SETD2: variants seen among roughly 807,000 people sequenced by gnomAD.
SETD2 encodes the protein histone-lysine N-methyltransferase SETD2.
In SETD2, 31 loss-of-function variants were observed where a neutral mutation model predicts 242.1. The observed-to-expected ratio is 0.13, with a 90% CI of 0.10 to 0.17. The LOEUF is 0.17. Ranked by LOEUF, SETD2 falls within the 10% of genes least tolerant of loss-of-function variation. SETD2 has a pLI of 1.00. For synonymous variants in SETD2, 1,006 were observed against 1,066.5 expected (o/e 0.94, Z 1.11); for missense variants, 2,481 against 3,046.3 (o/e 0.81, Z 4.37).
At chr3:47,145,249 G>A (rs1270378296) in intron 1 of SETD2, among the ~76,000 whole-genome samples, 1 of 151,706 alleles carries the variant, frequency 6.6e-6, no homozygotes. Context: ...AGATATCTTG[G>A]GGCCAGATAT....
At chr3:47,027,022 T>C (rs1387305541) in intron 18 of SETD2, among the ~76,000 whole-genome samples, 1 of 151,878 alleles carries the variant, frequency 6.6e-6, no homozygotes, top group Non-Finnish European at 1.5e-5. Flanking sequence ...TTCATTTACA[T>C]AAAATGCCCA....
At position 47,120,177 on chromosome 3, in the gene SETD2, C is replaced by A; in HGVS notation, c.4454+5G>T. On this transcript the variant is annotated splice_donor_5th_base_variant and intron_variant, in intron 3 of 20. Coordinates refer to ENST00000409792, the MANE Select transcript of SETD2 (RefSeq NM_014159.7). ...ATTTGTCAAACAAGTATTAATTAGA[C>A]TTACCTTTCTGTTAAATAAACATTT... 6.6e-7 allele frequency: 1 copy of A among 1,518,938 alleles called. No homozygotes were observed. The highest frequency in any genetic ancestry group is 8.8e-7 in the Non-Finnish European group (1 of 1,130,968). 94.1% of individuals were successfully genotyped at this position (1,518,938 alleles called of 1,614,324 possible). A position where few individuals can be genotyped will look rare whatever the true frequency, so the allele number is the denominator to read the frequency against.
intron 18 of SETD2, among the ~76,000 whole-genome samples, chr3:47,030,209 C>T (rs866259167): frequency 6.6e-6 from 1 of 151,582 alleles, no homozygotes; most frequent in African/African-American, 2.4e-5. Flanking sequence ...TATTTATCAG[C>T]ACTGTTAAAA....
At chr3:47,105,666 C>T (rs930486668) in intron 6 of SETD2, 17 of 450,310 alleles carry the variant, frequency 3.8e-5, no homozygotes, top group Non-Finnish European at 7.5e-5. Context: ...TGGCTCATGC[C>T]TGTAATCTCA....
intron 11 of SETD2, among the ~76,000 whole-genome samples, chr3:47,085,482 T>A (rs2041514005): frequency 6.6e-6 from 1 of 152,152 alleles, no homozygotes; most frequent in African/African-American, 2.4e-5. Context: ...CATTTTGAAA[T>A]CCAAGAATTT....
At chr3:47,132,242 T>C (rs2043495455) in intron 1 of SETD2, among the ~76,000 whole-genome samples, 1 of 150,630 alleles carries the variant, frequency 6.6e-6, no homozygotes, top group African/African-American at 2.4e-5. Context: ...AAGTGATTTT[T>C]CTGCTTCAGC....
In SETD2 at chr3:47,122,668, A is replaced by C. The variant is rs772543414; in HGVS notation, c.1968T>G (p.Ser656=). ...HDSIKELDSL[S]KVKNDQLRSF... is the part of the protein sequence containing the mutation. ...TTCTTAATTGATCATTCTTCACTTT[A>C]GATAAAGAGTCTAATTCCTTAATAC... is the stretch of plus-strand genomic sequence containing the variant. Residue 656 remains serine (S), a synonymous_variant, in exon 3 of 21, where the codon TCT becomes TCG. Transcript: ENST00000409792. 2 of 1,613,380 alleles carry C rather than the reference A, an allele frequency of 1.2e-6. No individual in the cohort carries two copies. The highest frequency in any genetic ancestry group is 1.7e-6 in the Non-Finnish European group (2 of 1,179,604).
intron 9 of SETD2, among the ~76,000 whole-genome samples, chr3:47,097,618 C>G (rs1026199374): frequency 2.0e-5 from 3 of 152,104 alleles, no homozygotes; most frequent in Non-Finnish European, 2.9e-5. Context: ...GAGTACCAAA[C>G]AAAGACAAAC....
intron 1 of SETD2, among the ~76,000 whole-genome samples, chr3:47,144,581 T>G (rs1435780967): frequency 6.6e-6 from 1 of 152,120 alleles, no homozygotes; most frequent in Non-Finnish European, 1.5e-5. Context: ...AGTCAGAGGT[T>G]GCACTGAGCC....
intron 1 of SETD2, among the ~76,000 whole-genome samples, chr3:47,131,104 G>T (rs1026567423): frequency 6.6e-6 from 1 of 152,122 alleles, no homozygotes; most frequent in African/African-American, 2.4e-5. Context: ...AAACAAGTTG[G>T]ATAGTAAAGA....
In SETD2 at chr3:47,148,017, GTAT is replaced by G. The variant is rs566035618; in HGVS notation, c.71+15834_71+15836del. ...CTTAGAACCCTCTTACAAAATTAAA[GTAT>G]TATACTCATTGGTGGGCTAAAAATA... On this transcript the variant is annotated intron_variant, in intron 1 of 20. Transcript: ENST00000409792. Among the ~76,000 whole-genome samples the G allele has an allele frequency of 4.0e-5, 6 of 151,328 alleles. No individual in the cohort carries two copies. In the South Asian group the frequency reaches 1.3e-3, roughly 32 times the overall value.
chr3:47,049,701 T>C (rs1270597497), intron 15 of SETD2, among the ~76,000 whole-genome samples: 1 of 147,338 alleles, frequency 6.8e-6, no homozygotes, highest in African/African-American at 2.5e-5. Flanking sequence ...TGAGTTTATA[T>C]TATATATTAA....
At chr3:47,116,516 A>T in intron 4 of SETD2, 107 bp downstream of exon 4, 1 of 1,141,402 alleles carries the variant, frequency 8.8e-7, no homozygotes, top group African/African-American at 1.6e-5. Flanking sequence ...GCTTGTAGTC[A>T]TCCATAGGTA....
chr3:47,122,601 C>A lies in SETD2; in HGVS notation c.2035G>T (p.Ala679Ser). The A allele has an allele frequency of 6.2e-7, 1 of 1,614,020 alleles. No homozygotes were observed. The highest frequency in any genetic ancestry group is 8.5e-7 in the Non-Finnish European group (1 of 1,179,952). Residue 679 changes from alanine (A) to serine (S), a missense_variant, in exon 3 of 21, where the codon GCA becomes TCA. Around this residue, in one of 17 missense-constraint regions of SETD2, gnomAD observed 1,300 missense variants for 1,259.2 expected, o/e 1.03. Coordinates refer to ENST00000409792, the MANE Select transcript of SETD2 (RefSeq NM_014159.7). The part of the protein sequence containing the change: ...IELNINGSPG[A>S]ESDLATFCTS... ...CAAAATGTTGCCAAATCAGATTCTG[C>A]CCCAGGAGATCCATTTATATTTAAT...
At chr3:47,039,919 C>A (rs192778043) in intron 17 of SETD2, among the ~76,000 whole-genome samples, 1 of 151,348 alleles carries the variant, frequency 6.6e-6, no homozygotes, top group Non-Finnish European at 1.5e-5. Context: ...TTAAACCACA[C>A]GTGGTTTTTA....
chr3:47,102,058 G>C (rs1327241631), intron 7 of SETD2, among the ~76,000 whole-genome samples: 1 of 152,240 alleles, frequency 6.6e-6, no homozygotes, highest in Non-Finnish European at 1.5e-5. Context: ...ATCTGGCTGA[G>C]TATAGTGAAA....
intron 15 of SETD2, among the ~76,000 whole-genome samples, chr3:47,048,366 G>A (rs2039628093): frequency 6.6e-6 from 1 of 152,058 alleles, no homozygotes; most frequent in Non-Finnish European, 1.5e-5. Context: ...TCCAGCCTGG[G>A]CAACAGAGCG....
chr3:47,140,116 A>G (rs2043692023), intron 1 of SETD2, among the ~76,000 whole-genome samples: 1 of 152,180 alleles, frequency 6.6e-6, no homozygotes. Flanking sequence ...CACTTCTAAC[A>G]AGAAGTGACT....
intron 1 of SETD2, among the ~76,000 whole-genome samples, chr3:47,162,274 G>A (rs1026302419): frequency 2.0e-5 from 3 of 152,044 alleles, no homozygotes; most frequent in Non-Finnish European, 4.4e-5. Context: ...TTATTGAATC[G>A]TGATATAAAA....
Sources: allele counts gnomAD v4.1 joint callset (sites outside exome capture counted in the v4.1 genomes callset), GRCh38; gene constraint gnomAD v4.1.1; regional missense constraint gnomAD v4.1.1; transcripts MANE v1.5; gene names NCBI Gene and HGNC (gene_info 2026-07-23, HGNC 2026-07-21).